Variants in TRPV3 observed in about 807,000 individuals in gnomAD.
TRPV3 encodes the protein VRL-3.
Under a neutral mutation model 87.1 loss-of-function variants are expected in TRPV3, and 88 were observed. That is an observed-to-expected ratio of 1.01 (90% confidence interval 0.85 to 1.21). The LOEUF is 1.21. Among genes scored for constraint, TRPV3 ranks in the 50% most tolerant of loss-of-function variants. The pLI is 0.00. For synonymous variants in TRPV3, 438 were observed against 423.3 expected (o/e 1.03, Z -0.43); for missense variants, 1,054 against 1,030.1 (o/e 1.02, Z -0.32).
At chr17:3,521,089 C>G in intron 13 of TRPV3, 50 bp from the exon 14 acceptor site, 1 of 1,239,678 alleles carries the variant, frequency 8.1e-7, no homozygotes, top group South Asian at 1.3e-5. Flanking sequence ...CACATATTCA[C>G]GGCACCCTGA....
Position 3,556,347 on chromosome 17 carries a change from T to A in TRPV3, c.-3+1329A>T, listed in dbSNP as rs929935433. On this transcript the variant is annotated intron_variant, in intron 1 of 17. Coordinates refer to ENST00000576742, the MANE Select transcript of TRPV3 (RefSeq NM_145068.4). This position sits in a 1 kb window ranked among gnomAD's most constrained non-coding sequence, Gnocchi z 4.2. ...CAGAAGCCAGGGGCCAGGAGGAGGC[T>A]GCTGCAGGGGCCATAGGGACGGGGA... Among the ~76,000 whole-genome samples, 2 of 140,758 alleles carry A rather than the reference T, an allele frequency of 1.4e-5. No individual in the cohort carries two copies. Among genetic ancestry groups the A allele is most frequent in the African/African-American group, 5.4e-5 (2 of 36,826 alleles). The allele number at this position is 140,758 out of a possible 152,430, so 92.3% of individuals were successfully genotyped here.
intron 6 of TRPV3, 36 bp from the exon 7 acceptor site, chr17:3,535,749 G>A: frequency 2.1e-6 from 3 of 1,434,244 alleles, no homozygotes; most frequent in South Asian, 1.5e-5. Context: ...GAGCCTCAGC[G>A]CCGGGCACAG....
chr17:3,527,014 A>G, intron 11 of TRPV3, 87 bp from the exon 12 acceptor site: 1 of 1,069,128 alleles, frequency 9.4e-7, no homozygotes, highest in Non-Finnish European at 1.4e-6. Context: ...CAGGACCAAG[A>G]CTCAGTGAGG....
intron 2 of TRPV3, chr17:3,554,249 C>A (rs1159703970): frequency 6.4e-6 from 1 of 155,458 alleles, no homozygotes; most frequent in African/African-American, 2.4e-5. Flanking sequence ...AACCATCATC[C>A]TATAGTTGGT....
intron 2 of TRPV3, among the ~76,000 whole-genome samples, chr17:3,549,959 A>G (rs547244333): frequency 8.0e-5 from 12 of 149,868 alleles, no homozygotes; most frequent in African/African-American, 2.5e-4. Context: ...GGATGGATGG[A>G]TGGATGATAG....
rs2074324204 is a variant in TRPV3 at position 3,528,897 on chromosome 17, A to G, written c.1341T>C (p.Phe447=). 1 of 1,614,040 alleles carries G rather than the reference A, an allele frequency of 6.2e-7. No individual in the cohort carries two copies. Among genetic ancestry groups the G allele is most frequent in the Non-Finnish European group, 8.5e-7 (1 of 1,180,040 alleles). The change falls in exon 10 of 18, where the codon TTT becomes TTC. Residue 447 remains phenylalanine, a synonymous_variant. Transcript: ENST00000576742. This position sits in a 1 kb window ranked among gnomAD's most constrained non-coding sequence, Gnocchi z 4.2. ...AKHMFFLSFC[F]YFFYNITLTL... is the part of the protein sequence containing the mutation. ...TCAGGGTGATGTTGTAGAAGAAATAAAAGCAGAAGGACAGAAAGAACATGT... is the reference window on the plus strand; with the variant it reads ...TCAGGGTGATGTTGTAGAAGAAATAGAAGCAGAAGGACAGAAAGAACATGT...
chr17:3,546,433 CT>C (rs2074526738), intron 2 of TRPV3, among the ~76,000 whole-genome samples: 1 of 73,968 alleles, frequency 1.4e-5, no homozygotes, highest in Non-Finnish European at 3.7e-5. Context: ...CAGAGCGAGA[CT>C]CTATCTCAAA....
At chr17:3,522,803 C>T (rs1255172905) in intron 13 of TRPV3, among the ~76,000 whole-genome samples, 3 of 138,414 alleles carry the variant, frequency 2.2e-5, no homozygotes, top group African/African-American at 8.0e-5. Flanking sequence ...GGCAACAGAG[C>T]GAGACTCAGT....
chr17:3,527,959 G>A, intron 11 of TRPV3, 66 bp downstream of exon 11: 1 of 1,233,152 alleles, frequency 8.1e-7, no homozygotes, highest in Non-Finnish European at 1.2e-6. Context: ...GCAGAGCAGA[G>A]AGGGATGGAG....
At chr17:3,517,619 CAAAAA>C (rs34610978) in intron 15 of TRPV3, among the ~76,000 whole-genome samples, 1 of 65,358 alleles carries the variant, frequency 1.5e-5, no homozygotes, top group Non-Finnish European at 2.6e-5. Flanking sequence ...GACCCTGTCT[CAAAAA>C]AAAAAAAAAA....
chr17:3,530,178 T>G lies in TRPV3; in HGVS notation c.1091A>C (p.Glu364Ala), dbSNP rs201487087. ...AEILKYILSR[E>A]IKEKRLRSLS... ...GCTCCGGAGCCGCTTCTCCTTGATC[T>G]CACGACTGAGGATGTACTTCAGGAT... The change falls in exon 9 of 18, where the codon GAG (glutamate) becomes GCG (alanine). Residue 364 changes from glutamate to alanine, a missense_variant. Coordinates refer to ENST00000576742, the MANE Select transcript of TRPV3 (RefSeq NM_145068.4). This position sits in a 1 kb window ranked among gnomAD's most constrained non-coding sequence, Gnocchi z 4.0. 10 of 1,613,498 alleles carry G rather than the reference T, an allele frequency of 6.2e-6. No individual in the cohort carries two copies.
intron 6 of TRPV3, among the ~76,000 whole-genome samples, chr17:3,539,927 G>A (rs908309448): frequency 6.6e-6 from 1 of 151,856 alleles, no homozygotes; most frequent in African/African-American, 2.4e-5. Flanking sequence ...GGAAACTGAG[G>A]CTCAGAGAGG....
chr17:3,533,088 G>A (rs1370383746), intron 7 of TRPV3, 151 bp from the exon 8 acceptor site: 2 of 932,904 alleles, frequency 2.1e-6, no homozygotes, highest in African/African-American at 1.6e-5. Context: ...ACGGGGAAGA[G>A]TGAAGCTAGA....
intron 6 of TRPV3, among the ~76,000 whole-genome samples, chr17:3,541,024 T>C (rs2074454236): frequency 2.6e-5 from 4 of 152,206 alleles, no homozygotes; most frequent in Non-Finnish European, 5.9e-5. Context: ...ACAATTACTT[T>C]CTCCCATGAG....
At chr17:3,534,518 G>C (rs4790146) in intron 7 of TRPV3, among the ~76,000 whole-genome samples, 21,082 of 152,236 alleles carry the variant, frequency 0.14, 2,081 homozygotes, top group East Asian at 0.43. Flanking sequence ...ATTTTTGTGT[G>C]TGACGGAGCC....
chr17:3,551,859 T>C (rs1472324667), intron 2 of TRPV3, among the ~76,000 whole-genome samples: 6 of 144,228 alleles, frequency 4.2e-5, no homozygotes, highest in Non-Finnish European at 1.5e-5. Context: ...TTTCTTCACC[T>C]GTAATTTATT....
chr17:3,541,359 C>T (rs1020365742), intron 6 of TRPV3, among the ~76,000 whole-genome samples: 1 of 152,164 alleles, frequency 6.6e-6, no homozygotes, highest in African/African-American at 2.4e-5. Context: ...CAGAGCGAGA[C>T]TCCATGTCAA....
chr17:3,535,127 C>T (rs954001607), intron 7 of TRPV3, among the ~76,000 whole-genome samples: 2 of 151,376 alleles, frequency 1.3e-5, no homozygotes, highest in African/African-American at 4.9e-5. Context: ...AGCGGGGTGG[C>T]CCCTCCCTTC....
intron 6 of TRPV3, among the ~76,000 whole-genome samples, chr17:3,536,108 TG>T (rs1310764885): frequency 6.6e-6 from 1 of 152,208 alleles, no homozygotes; most frequent in African/African-American, 2.4e-5. Flanking sequence ...CTCTCTAACC[TG>T]GGACCTCAGA....
Sources: allele counts gnomAD v4.1 joint callset (sites outside exome capture counted in the v4.1 genomes callset), GRCh38; gene constraint gnomAD v4.1.1; non-coding constraint Gnocchi (gnomAD v3.1); transcripts MANE v1.5; gene names NCBI Gene and HGNC (gene_info 2026-07-23, HGNC 2026-07-21).